Variants in CUTC observed in about 807,000 individuals in gnomAD.
The protein encoded by CUTC is copper homeostasis protein cutC homolog.
A neutral mutation model predicts 36.2 loss-of-function variants in CUTC; 27 were observed. That is an observed-to-expected ratio of 0.75 (90% CI 0.55 to 1.03). The LOEUF is 1.03. Ranked by LOEUF, CUTC falls within the 50% of genes least tolerant of loss-of-function variation. The pLI, the probability that CUTC is intolerant of heterozygous loss-of-function variation, is 0.00. For synonymous variants in CUTC, 114 were observed against 118.3 expected (o/e 0.96, Z 0.24); for missense variants, 315 against 343.5 (o/e 0.92, Z 0.66).
At chr10:99,747,976 TTA>T (rs75609286) in intron 6 of CUTC, among the ~76,000 whole-genome samples, 15,415 of 152,270 alleles carry the variant, frequency 0.1, 982 homozygotes, top group East Asian at 0.31. Context: ...TTTTTCTATT[TTA>T]TGAGTTTTCC....
chr10:99,748,964 G>T (rs2037398896), intron 6 of CUTC, among the ~76,000 whole-genome samples: 1 of 152,158 alleles, frequency 6.6e-6, no homozygotes, highest in Non-Finnish European at 1.5e-5. Context: ...GTGCAGCGGG[G>T]AGGCCTAAAG....
rs938545364 is a variant in CUTC, at chr10:99,736,683, A to G, written c.133+366A>G. Among the ~76,000 whole-genome samples, 11 of 152,158 alleles carry G rather than the reference A, an allele frequency of 7.2e-5. 1 individual carries two copies. ...ATTTTTCCCTCAAAGTTTCTGTTGT[A>G]CTCTGAACCTGTTTTAATGGGAAGC... On this transcript the variant is annotated intron_variant, in intron 2 of 8. Transcript: ENST00000370476.
At position 99,732,428 on chromosome 10, in the gene CUTC, G is replaced by A; in HGVS notation, c.61+19G>A. On this transcript the variant is annotated intron_variant, in intron 1 of 8. Coordinates refer to ENST00000370476, the MANE Select transcript of CUTC (RefSeq NM_015960.3). ...AAGGCCGGTGCGGAAGGTGGCGGGGGAGGGGACGGTCGGCCGAAGGCTCCC... is the reference window on the plus strand; with the variant it reads ...AAGGCCGGTGCGGAAGGTGGCGGGGAAGGGGACGGTCGGCCGAAGGCTCCC... 1.3e-6 allele frequency: 2 copies of A among 1,549,840 alleles called. No homozygotes were observed. The highest frequency in any genetic ancestry group is 1.7e-6 in the Non-Finnish European group (2 of 1,146,898).
chr10:99,741,976 A>G (rs2037344929), intron 3 of CUTC, among the ~76,000 whole-genome samples: 1 of 152,108 alleles, frequency 6.6e-6, no homozygotes, highest in Non-Finnish European at 1.5e-5. Context: ...AACTCTAGCT[A>G]CTTCAGTCTT....
chr10:99,753,432 C>G (rs1016781920), intron 7 of CUTC, among the ~76,000 whole-genome samples: 36 of 152,250 alleles, frequency 2.4e-4, no homozygotes, highest in African/African-American at 7.9e-4. Flanking sequence ...TTTTCTGAGA[C>G]AGGGTCTCAC....
chr10:99,739,870 C>T, intron 3 of CUTC, 101 bp downstream of exon 3: 9 of 824,230 alleles, frequency 1.1e-5, no homozygotes, highest in Non-Finnish European at 1.8e-5. Flanking sequence ...GTCATGTTAA[C>T]TATGTTATGG....
intron 5 of CUTC, among the ~76,000 whole-genome samples, chr10:99,745,766 A>C (rs963702452): frequency 6.6e-6 from 1 of 152,242 alleles, no homozygotes; most frequent in Admixed American, 6.5e-5. Context: ...CTGAGGCAGG[A>C]GAATCACTTG....
At chr10:99,736,071 G>T (rs2037294201) in intron 1 of CUTC, among the ~76,000 whole-genome samples, 175 bp from the exon 2 acceptor site, 1 of 152,144 alleles carries the variant, frequency 6.6e-6, no homozygotes, top group African/African-American at 2.4e-5. Flanking sequence ...TCAGTCTATA[G>T]GCATCAATTC....
chr10:99,746,623 A>C (rs1159365142), intron 5 of CUTC, among the ~76,000 whole-genome samples: 1 of 152,078 alleles, frequency 6.6e-6, no homozygotes, highest in Non-Finnish European at 1.5e-5. Flanking sequence ...TTAAATGTGT[A>C]CCATTATTAA....
At chr10:99,735,048 G>A (rs570178584) in intron 1 of CUTC, among the ~76,000 whole-genome samples, 1 of 145,506 alleles carries the variant, frequency 6.9e-6, no homozygotes, top group East Asian at 2.1e-4. Context: ...GTTGCAGTGA[G>A]CCGAGATCAT....
At chr10:99,753,451 C>T (rs549982365) in intron 7 of CUTC, among the ~76,000 whole-genome samples, 139 of 152,202 alleles carry the variant, frequency 9.1e-4, no homozygotes, top group Admixed American at 1.4e-3. Context: ...ACTGTGTCGC[C>T]CAGGCTATGG....
In CUTC at chr10:99,732,266, T is replaced by C. The variant is rs889411845; in HGVS notation, c.-83T>C. The stretch of plus-strand genomic sequence containing the variant: ...ACGCGCGCACGGGCGCGCGCAGCTG[T>C]TGACGCGCTTCTTAGCTGGTGCGCG... On this transcript the variant is annotated 5_prime_UTR_variant, in exon 1 of 9. Transcript: ENST00000370476. 1.2e-5 allele frequency: 18 copies of C among 1,537,768 alleles called. No individual in the cohort carries two copies. The African/African-American group carries it at 1.5e-4, about 13-fold the overall frequency.
At chr10:99,738,389 GGTGTGTGTGTGTGTGT>G (rs10693937) in intron 2 of CUTC, among the ~76,000 whole-genome samples, 1 of 142,860 alleles carries the variant, frequency 7.0e-6, no homozygotes, top group Non-Finnish European at 1.5e-5. Flanking sequence ...ACTCATACAG[GGTGTGTGTGTGTGTGT>G]GTGTGTGTGT....
At chr10:99,750,979 C>G (rs973389644) in intron 7 of CUTC, among the ~76,000 whole-genome samples, 2 of 152,112 alleles carry the variant, frequency 1.3e-5, no homozygotes, top group Non-Finnish European at 2.9e-5. Context: ...GATAATACAA[C>G]ATAGAAGAGT....
rs781579780 is a variant in CUTC at position 99,747,371 on chromosome 10, T to A, written c.554T>A (p.Ile185Lys). The A allele has an allele frequency of 6.2e-7, 1 of 1,614,162 alleles. No individual in the cohort carries two copies. Among genetic ancestry groups the A allele is most frequent in the Non-Finnish European group, 8.5e-7 (1 of 1,179,984 alleles). Residue 185 changes from isoleucine to lysine, a missense_variant, in exon 6 of 9, where the codon ATA (isoleucine) becomes AAA (lysine). Ile to Lys is a moderately radical substitution (Grantham distance 102). Coordinates refer to ENST00000370476, the MANE Select transcript of CUTC (RefSeq NM_015960.3). ...DSSALEGLPL[I>K]KRLIEQAKGR... ...TCAGCATTAGAAGGGCTACCCCTAATAAAGCGACTCATTGAGCAGGTACGT... is the reference window on the plus strand; with the variant it reads ...TCAGCATTAGAAGGGCTACCCCTAAAAAAGCGACTCATTGAGCAGGTACGT...
chr10:99,751,024 TTAAG>T (rs1285221356), intron 7 of CUTC, among the ~76,000 whole-genome samples: 23 of 152,328 alleles, frequency 1.5e-4, no homozygotes, highest in African/African-American at 5.3e-4. Context: ...ATTTTTTTAA[TTAAG>T]TTTCTCAAAC....
intron 1 of CUTC, among the ~76,000 whole-genome samples, chr10:99,733,315 A>T (rs1439127272): frequency 6.6e-6 from 1 of 150,652 alleles, no homozygotes; most frequent in African/African-American, 2.4e-5. Flanking sequence ...TCTCAAAAAA[A>T]TAAAAATAAA....
At chr10:99,751,453 A>G (rs1239293554) in intron 7 of CUTC, among the ~76,000 whole-genome samples, 4 of 152,186 alleles carry the variant, frequency 2.6e-5, no homozygotes, top group African/African-American at 9.7e-5. Flanking sequence ...CAGCCACCCA[A>G]GTAGCTGGGA....
rs900914806 is a variant in CUTC, at chr10:99,732,345, G to A, written c.-4G>A. The A allele has an allele frequency of 1.3e-6, 2 of 1,552,444 alleles. No individual in the cohort carries two copies. The highest frequency in any genetic ancestry group is 1.4e-5 in the African/African-American group (1 of 73,224). ...CAGGCGCACGAGGGAGGAACGCGTG[G>A]AGCATGAAAAGGCAGGGGGCCTCCT... On this transcript the variant is annotated 5_prime_UTR_variant, in exon 1 of 9. Coordinates refer to ENST00000370476, the MANE Select transcript of CUTC (RefSeq NM_015960.3).
Sources: gnomAD v4.1 joint callset for allele counts (sites outside exome capture counted in the v4.1 genomes callset) on GRCh38, gnomAD v4.1.1 for gene constraint, MANE v1.5 for transcripts, NCBI Gene and HGNC (gene_info 2026-07-23, HGNC 2026-07-21) for gene names.